PCDHGA10: variants seen among roughly 807,000 people sequenced by gnomAD.
The protein encoded by PCDHGA10 is protocadherin gamma-A10.
A neutral mutation model predicts 59.5 loss-of-function variants in PCDHGA10; 42 were observed. The observed-to-expected ratio is 0.71, with a 90% CI of 0.55 to 0.91. The LOEUF (loss-of-function observed/expected upper bound fraction) is 0.91. Ranked by LOEUF, PCDHGA10 falls within the 40% of genes least tolerant of loss-of-function variation. The pLI, the probability that PCDHGA10 is intolerant of heterozygous loss-of-function variation, is 0.00. For missense variants in PCDHGA10, 1,111 were observed against 1,198.2 expected (o/e 0.93, Z 1.07); for synonymous variants, 511 against 517.2 (o/e 0.99, Z 0.16).
intron 1 of PCDHGA10, among the ~76,000 whole-genome samples, chr5:141,443,720 T>G (rs1349609652): frequency 2.6e-5 from 4 of 152,156 alleles, no homozygotes; most frequent in Non-Finnish European, 5.9e-5. Flanking sequence ...CATATAAAAT[T>G]CCTCATACAT....
Position 141,489,791 on chromosome 5 carries a change from C to G in PCDHGA10, c.2437-5016C>G. ...AGCCACTTCTCTCTGAATGTGAAGA[C>G]CCTAAAAGATGGGAAGCCATTCCCA... On this transcript the variant is annotated intron_variant, in intron 1 of 3. Transcript: ENST00000398610. The surrounding 1 kb of genome is among the most constrained non-coding windows in gnomAD (Gnocchi z 4.5). 2 of 1,614,174 alleles carry G rather than the reference C, an allele frequency of 1.2e-6. No individual in the cohort carries two copies. The highest frequency in any genetic ancestry group is 1.7e-6 in the Non-Finnish European group (2 of 1,180,002).
At chr5:141,459,199 A>G (rs930769883) in intron 1 of PCDHGA10, among the ~76,000 whole-genome samples, 6 of 152,200 alleles carry the variant, frequency 3.9e-5, no homozygotes, top group African/African-American at 1.4e-4. Flanking sequence ...TTTGCAATCA[A>G]TTCACTACTT....
At chr5:141,457,280 A>G (rs964027392) in intron 1 of PCDHGA10, among the ~76,000 whole-genome samples, 2 of 152,196 alleles carry the variant, frequency 1.3e-5, no homozygotes, top group Admixed American at 1.3e-4. Context: ...TGGGCCTACG[A>G]AGTTCCTTGG....
intron 1 of PCDHGA10, among the ~76,000 whole-genome samples, chr5:141,445,007 G>T (rs771023003): frequency 1.3e-5 from 2 of 151,994 alleles, no homozygotes; most frequent in African/African-American, 4.8e-5. Flanking sequence ...ATTTAATTAG[G>T]TCTTTAATTT....
At chr5:141,488,236 T>G (rs1333427955) in intron 1 of PCDHGA10, among the ~76,000 whole-genome samples, 2 of 152,154 alleles carry the variant, frequency 1.3e-5, no homozygotes, top group Non-Finnish European at 2.9e-5. Context: ...TTGAACTAGA[T>G]GCGGTAAATT....
At chr5:141,464,278 G>GAAAA (rs2099080310) in intron 1 of PCDHGA10, among the ~76,000 whole-genome samples, 1 of 121,594 alleles carries the variant, frequency 8.2e-6, no homozygotes. Context: ...AAAAAAAAAA[G>GAAAA]CAAAAAAAAA....
At chr5:141,419,432 C>A (rs2096381830) in intron 1 of PCDHGA10, 1 of 1,613,160 alleles carries the variant, frequency 6.2e-7, no homozygotes, top group Non-Finnish European at 8.5e-7. Flanking sequence ...CCACGAGCAG[C>A]TGCGCACCTT....
intron 1 of PCDHGA10, chr5:141,441,447 C>T: frequency 6.2e-6 from 1 of 161,550 alleles, no homozygotes. Flanking sequence ...CCAGCCCAAG[C>T]ATCACCCTAC....
intron 1 of PCDHGA10, among the ~76,000 whole-genome samples, chr5:141,492,341 C>T (rs2099739551): frequency 6.6e-6 from 1 of 152,222 alleles, no homozygotes; most frequent in East Asian, 1.9e-4. Flanking sequence ...CGAATACCAG[C>T]TTTCACTGCC....
Position 141,432,394 on chromosome 5 carries a change from C to T in PCDHGA10, c.2436+16783C>T, listed in dbSNP as rs149830124. The T allele has an allele frequency of 1.7e-5, 27 of 1,614,260 alleles. No individual in the cohort carries two copies. The African/African-American group carries it at 2.7e-4, about 16-fold the overall frequency. On this transcript the variant is annotated intron_variant, in intron 1 of 3. Transcript: ENST00000398610. The surrounding 1 kb of genome is among the most constrained non-coding windows in gnomAD (Gnocchi z 6.0). ...ACGGGCACCCGCCCCTCAGCAGCAA[C>T]GTGTCGTTGAGCCTGTTCGTGCTGG...
At chr5:141,463,168 T>C (rs74924211) in intron 1 of PCDHGA10, among the ~76,000 whole-genome samples, 6,974 of 152,254 alleles carry the variant, frequency 0.046, 178 homozygotes, top group Middle Eastern at 0.082. Context: ...GTGCACTCTA[T>C]GTATGCTCAG....
intron 3 of PCDHGA10, among the ~76,000 whole-genome samples, chr5:141,505,698 G>A (rs1041309644): frequency 2.0e-5 from 3 of 152,280 alleles, no homozygotes; most frequent in Admixed American, 6.5e-5. Context: ...GGAGGAGAGC[G>A]AACAAGGAAA....
chr5:141,469,505 G>T (rs2099202987), intron 1 of PCDHGA10, among the ~76,000 whole-genome samples: 1 of 152,138 alleles, frequency 6.6e-6, no homozygotes. Flanking sequence ...AACCCGGGAG[G>T]TGGAGGTTGC....
rs1456176347 is a variant in PCDHGA10 at position 141,510,961 on chromosome 5, A to G, written c.2599A>G (p.Ser867Gly). 2 of 1,613,986 alleles carry G rather than the reference A, an allele frequency of 1.2e-6. No individual in the cohort carries two copies. Among genetic ancestry groups the G allele is most frequent in the Non-Finnish European group, 1.7e-6 (2 of 1,179,962 alleles). ...TGTCTCTGCAGAAGCTGCTGATGGG[A>G]GCTCCACCCTGGGAGGGGGTGCCGG... is the stretch of plus-strand genomic sequence containing the variant. Reference protein sequence around the residue: ...LASASEAADGSSTLGGGAGTM... With the variant: ...LASASEAADGGSTLGGGAGTM... Residue 867 changes from serine (S) to glycine (G), a missense_variant, in exon 4 of 4, where the codon AGC (serine) becomes GGC (glycine). Physicochemically the swap from Ser to Gly is moderately conservative, Grantham distance 56. Coordinates refer to ENST00000398610, the MANE Select transcript of PCDHGA10 (RefSeq NM_018913.3).
At position 141,510,979 on chromosome 5, in the gene PCDHGA10, G is replaced by T; in HGVS notation, c.2617G>T (p.Gly873Cys). 3.7e-6 allele frequency: 6 copies of T among 1,614,156 alleles called. No individual in the cohort carries two copies. Among genetic ancestry groups the T allele is most frequent in the Non-Finnish European group, 4.2e-6 (5 of 1,180,018 alleles). Residue 873 changes from glycine to cysteine, a missense_variant, in exon 4 of 4, where the codon GGT becomes TGT. Gly to Cys is a radical substitution (Grantham distance 159). Coordinates refer to ENST00000398610, the MANE Select transcript of PCDHGA10 (RefSeq NM_018913.3). ...TGATGGGAGCTCCACCCTGGGAGGGGGTGCCGGCACCATGGGATTGAGCGC... is the reference window on the plus strand; with the variant it reads ...TGATGGGAGCTCCACCCTGGGAGGGTGTGCCGGCACCATGGGATTGAGCGC... Reference protein sequence around the residue: ...AADGSSTLGGGAGTMGLSARY... With the variant: ...AADGSSTLGGCAGTMGLSARY...
chr5:141,421,251 G>C (rs771398829), intron 1 of PCDHGA10: 1 of 1,606,888 alleles, frequency 6.2e-7, no homozygotes, highest in Non-Finnish European at 8.5e-7. Context: ...TACAGCGCGG[G>C]GACCGCAGTC....
At chr5:141,472,347 C>G (rs992566469) in intron 1 of PCDHGA10, among the ~76,000 whole-genome samples, 11 of 152,028 alleles carry the variant, frequency 7.2e-5, no homozygotes, top group Non-Finnish European at 1.2e-4. Context: ...CGAGACCATC[C>G]TGGCTAACAC....
In PCDHGA10 at chr5:141,476,877, T is replaced by C. The variant is rs2099400648; in HGVS notation, c.2437-17930T>C. ...CAGTCCTTGTACCGGGCGCGCGTCC[T>C]GGAGGATGCACCCTCCGGCACGCGC... On this transcript the variant is annotated intron_variant, in intron 1 of 3. Transcript: ENST00000398610. This position sits in a 1 kb window ranked among gnomAD's most constrained non-coding sequence, Gnocchi z 7.6. 4.3e-6 allele frequency: 7 copies of C among 1,613,954 alleles called. No homozygotes were observed. The highest frequency in any genetic ancestry group is 5.9e-6 in the Non-Finnish European group (7 of 1,180,038).
rs779949817 is a variant in PCDHGA10 at position 141,487,266 on chromosome 5, T to G, written c.2437-7541T>G. The G allele has an allele frequency of 6.2e-7, 1 of 1,614,054 alleles. No individual in the cohort carries two copies. The highest frequency in any genetic ancestry group is 8.5e-7 in the Non-Finnish European group (1 of 1,180,044). On this transcript the variant is annotated intron_variant, in intron 1 of 3. Transcript: ENST00000398610. This position sits in a 1 kb window ranked among gnomAD's most constrained non-coding sequence, Gnocchi z 5.0. The stretch of plus-strand genomic sequence containing the variant: ...ACCCTCTACTTGGCTGTGTCCCTAG[T>G]GGCAATTTGCTTTGTCTCCTTTGGC...
Sources: gnomAD v4.1 joint callset for allele counts (sites outside exome capture counted in the v4.1 genomes callset) on GRCh38, gnomAD v4.1.1 for gene constraint, Gnocchi (gnomAD v3.1) non-coding constraint, MANE v1.5 for transcripts, NCBI Gene and HGNC (gene_info 2026-07-23, HGNC 2026-07-21) for gene names.